TCN2: variants seen among roughly 807,000 people sequenced by gnomAD.
TCN2 encodes the protein transcobalamin-2.
A neutral mutation model predicts 48.6 loss-of-function variants in TCN2; 34 were observed. The ratio of observed to expected loss-of-function variants is 0.70; its 90% CI spans 0.53 to 0.93. The LOEUF is 0.93. Among genes scored for constraint, TCN2 ranks in the 40% least tolerant of loss-of-function variants. The pLI is 0.00. For missense variants in TCN2, 652 were observed against 526.1 expected, an observed-to-expected ratio of 1.24 and a Z score of -2.34; for synonymous variants, 283 against 212.5, an observed-to-expected ratio of 1.33 and a Z score of -2.89.
intron 7 of TCN2, among the ~76,000 whole-genome samples, chr22:30,618,968 C>A (rs1199810530): frequency 6.6e-6 from 1 of 151,824 alleles, no homozygotes; most frequent in African/African-American, 2.4e-5. Flanking sequence ...TGGAATTTTG[C>A]CATTTTGGCC....
Position 30,626,481 on chromosome 22 carries a change from A to G in TCN2, c.1244A>G (p.Lys415Arg), listed in dbSNP as rs767866096. 4 of 1,614,116 alleles carry G rather than the reference A, an allele frequency of 2.5e-6. No homozygotes were observed. The South Asian group carries it at 4.4e-5, about 18-fold the overall frequency. Residue 415 changes from lysine (K) to arginine (R), a missense_variant, in exon 9 of 9, where the codon AAG becomes AGG. Lys to Arg is a conservative substitution (Grantham distance 26). Coordinates refer to ENST00000215838, the MANE Select transcript of TCN2 (RefSeq NM_000355.4). ...GCAGGTATTGCTGACTACAGACCCA[A>G]GGATGGAGAAACCATTGAGCTGAGG... is the stretch of plus-strand genomic sequence containing the variant. The part of the protein sequence containing the change: ...LLQGIADYRP[K>R]DGETIELRLV...
At position 30,614,459 on chromosome 22, in the gene TCN2, C is replaced by G. The variant is rs1247398599; in HGVS notation, c.538C>G (p.Leu180Val). The G allele has an allele frequency of 6.2e-7, 1 of 1,614,212 alleles. No homozygotes were observed. Among genetic ancestry groups the G allele is most frequent in the Non-Finnish European group, 8.5e-7 (1 of 1,180,042 alleles). ...CCATGACAGCGTGGTGGACAAACTTCTGTATGCTGTGGAACCTTTCCACCA... is the reference window on the plus strand; with the variant it reads ...CCATGACAGCGTGGTGGACAAACTTGTGTATGCTGTGGAACCTTTCCACCA... ...RVHDSVVDKL[L>V]YAVEPFHQGH... Residue 180 changes from leucine (L) to valine (V), a missense_variant, in exon 4 of 9, where the codon CTG (leucine) becomes GTG (valine). By Grantham distance (32) the Leu-to-Val change is conservative. Coordinates refer to ENST00000215838, the MANE Select transcript of TCN2 (RefSeq NM_000355.4).
chr22:30,608,197 C>T (rs1319880302), intron 1 of TCN2, among the ~76,000 whole-genome samples: 1 of 152,170 alleles, frequency 6.6e-6, no homozygotes, highest in African/African-American at 2.4e-5. Flanking sequence ...CCTAGGATTA[C>T]GTTGAGCAAT....
At chr22:30,607,658 C>T (rs979013179) in intron 1 of TCN2, among the ~76,000 whole-genome samples, 1 of 152,150 alleles carries the variant, frequency 6.6e-6, no homozygotes, top group Admixed American at 6.6e-5. Context: ...CAGTGTTAGC[C>T]TTTGGGGAAC....
intron 2 of TCN2, among the ~76,000 whole-genome samples, 166 bp from the exon 3 acceptor site, chr22:30,612,707 C>T (rs891372793): frequency 6.6e-6 from 1 of 152,318 alleles, no homozygotes; most frequent in Admixed American, 6.5e-5. Context: ...ATATTTGTGG[C>T]ATACACCTCA....
intron 8 of TCN2, among the ~76,000 whole-genome samples, chr22:30,624,127 T>C (rs150167372): frequency 0.082 from 10,548 of 129,104 alleles, 919 homozygotes; most frequent in African/African-American, 0.11. Context: ...CAGGCCGGAG[T>C]ACAATGGCGA....
rs1207359481 is a variant in TCN2 at position 30,621,285 on chromosome 22, G to A, written c.1107-1683G>A. On this transcript the variant is annotated intron_variant, in intron 7 of 8. Transcript: ENST00000215838. ...TGGGATTACAGATGTGACCCACCGC[G>A]CCCCACCTGTGTTTCTTAAAACCAA... Among the ~76,000 whole-genome samples, 5 of 151,926 alleles carry A rather than the reference G, an allele frequency of 3.3e-5. 1 individual carries two copies. Among genetic ancestry groups the A allele is most frequent in the Admixed American group, 3.3e-4 (5 of 15,240 alleles).
rs1272455620 is a variant in TCN2 at position 30,626,379 on chromosome 22, G to A, written c.1223-81G>A. On this transcript the variant is annotated intron_variant, in intron 8 of 8. Transcript: ENST00000215838. Reference sequence around the variant, plus strand: ...TGGATTCTTACAGACTCTAGCCTCAGGGTGGGGGGTCTGGAAGATGAGGTT... The same window carrying A: ...TGGATTCTTACAGACTCTAGCCTCAAGGTGGGGGGTCTGGAAGATGAGGTT... The A allele has an allele frequency of 2.7e-6, 4 of 1,462,846 alleles. No individual in the cohort carries two copies. The South Asian group carries it at 4.6e-5, about 17-fold the overall frequency. The allele number at this position is 1,462,846 out of a possible 1,614,324, so 90.6% of individuals were successfully genotyped here.
intron 6 of TCN2, among the ~76,000 whole-genome samples, chr22:30,617,006 C>G (rs1332905987): frequency 2.0e-5 from 3 of 151,970 alleles, no homozygotes; most frequent in Non-Finnish European, 4.4e-5. Flanking sequence ...AATGCATGTT[C>G]TAGGAAGAGC....
chr22:30,613,212 C>T (rs1177736065), intron 3 of TCN2, among the ~76,000 whole-genome samples, 170 bp downstream of exon 3: 2 of 152,200 alleles, frequency 1.3e-5, no homozygotes, highest in African/African-American at 4.8e-5. Context: ...CATAGCCATC[C>T]TTGACCCAGC....
chr22:30,621,965 A>T (rs1222241276), intron 7 of TCN2, among the ~76,000 whole-genome samples: 1 of 152,024 alleles, frequency 6.6e-6, no homozygotes, highest in African/African-American at 2.4e-5. Flanking sequence ...TGTGGGAGGG[A>T]TGAAGGACGT....
Position 30,623,899 on chromosome 22 carries a change from T to C in TCN2, c.1222+816T>C, listed in dbSNP as rs1291574453. Among the ~76,000 whole-genome samples the C allele has an allele frequency of 1.0e-4, 8 of 78,550 alleles. 2 individuals are homozygous for C. Among genetic ancestry groups the C allele is most frequent in the African/African-American group, 6.2e-4 (5 of 8,070 alleles). The allele number at this position is 78,550 out of a possible 152,430, so 51.5% of individuals were successfully genotyped here. A position where few individuals can be genotyped will look rare whatever the true frequency, so the allele number is the denominator to read the frequency against. On this transcript the variant is annotated intron_variant, in intron 8 of 8. Transcript: ENST00000215838. ...ACACATATATACACACATATATATG[T>C]ATACATATATATACACACATATATA...
At chr22:30,624,364 A>C (rs1044304266) in intron 8 of TCN2, among the ~76,000 whole-genome samples, 2 of 151,908 alleles carry the variant, frequency 1.3e-5, no homozygotes, top group Non-Finnish European at 2.9e-5. Flanking sequence ...GTGAGCCACC[A>C]CGCCTGGCCT....
intron 7 of TCN2, among the ~76,000 whole-genome samples, chr22:30,622,069 C>T (rs895161039): frequency 3.3e-5 from 5 of 152,192 alleles, no homozygotes; most frequent in African/African-American, 1.2e-4. Context: ...CTCACTGCAA[C>T]CTCTACGTCC....
chr22:30,622,222 G>C (rs1212098624), intron 7 of TCN2, among the ~76,000 whole-genome samples: 3 of 151,902 alleles, frequency 2.0e-5, no homozygotes, highest in African/African-American at 7.3e-5. Context: ...CCCAACCTCA[G>C]GTGATCTGCC....
intron 8 of TCN2, chr22:30,623,308 AAAAC>A (rs1482252320): frequency 3.6e-6 from 2 of 549,248 alleles, no homozygotes; most frequent in Admixed American, 3.2e-5. Flanking sequence ...AAAAAAAAAA[AAAAC>A]TAGAAGAAAA....
At chr22:30,607,434 G>A (rs527585363) in intron 1 of TCN2, 39 bp downstream of exon 1, 3 of 1,612,586 alleles carry the variant, frequency 1.9e-6, no homozygotes, top group Non-Finnish European at 2.5e-6. Flanking sequence ...CTTTCCTCCT[G>A]GGTCCTTAGT....
chr22:30,612,537 C>T (rs566455685), intron 2 of TCN2, among the ~76,000 whole-genome samples: 3 of 151,510 alleles, frequency 2.0e-5, no homozygotes, highest in Non-Finnish European at 2.9e-5. Flanking sequence ...GCAACAAGAG[C>T]GAAACTCTGT....
intron 3 of TCN2, among the ~76,000 whole-genome samples, chr22:30,614,142 G>A (rs1416669038): frequency 6.6e-6 from 1 of 152,206 alleles, no homozygotes; most frequent in East Asian, 1.9e-4. Flanking sequence ...CGCAGTGCCT[G>A]TCTGCCATGG....
Sources: allele counts gnomAD v4.1 joint callset (sites outside exome capture counted in the v4.1 genomes callset), GRCh38; gene constraint gnomAD v4.1.1; transcripts MANE v1.5; gene names NCBI Gene and HGNC (gene_info 2026-07-23, HGNC 2026-07-21).